LIX1: variants seen among roughly 807,000 people sequenced by gnomAD.
LIX1 encodes protein limb expression 1 homolog.
In LIX1, 24 loss-of-function variants were observed where a neutral mutation model predicts 33.4. The observed-to-expected ratio is 0.72, with a 90% CI of 0.52 to 1.01. LIX1 has a LOEUF of 1.01. Ranked by LOEUF, LIX1 falls within the 50% of genes least tolerant of loss-of-function variation. The pLI is 0.00. For missense variants in LIX1, 311 were observed against 339.2 expected, an observed-to-expected ratio of 0.92 and a Z score of 0.65; for synonymous variants, 124 against 124.0, an observed-to-expected ratio of 1.00 and a Z score of 0.00.
At chr5:97,106,615 G>A (rs1345274341) in intron 3 of LIX1, among the ~76,000 whole-genome samples, 3 of 152,170 alleles carry the variant, frequency 2.0e-5, no homozygotes, top group Non-Finnish European at 2.9e-5. Flanking sequence ...GCCACAGGTG[G>A]GGACTGAAGG....
chr5:97,096,537 T>C (rs1225550661), intron 5 of LIX1, among the ~76,000 whole-genome samples: 1 of 152,214 alleles, frequency 6.6e-6, no homozygotes, highest in Non-Finnish European at 1.5e-5. Flanking sequence ...AGGATTTATT[T>C]AGAAGCTGTC....
chr5:97,118,999 C>T (rs1411546052), intron 2 of LIX1, among the ~76,000 whole-genome samples: 1 of 152,208 alleles, frequency 6.6e-6, no homozygotes, highest in Admixed American at 6.5e-5. Flanking sequence ...GAGTCTTTGA[C>T]TGGACTGCTT....
intron 1 of LIX1, among the ~76,000 whole-genome samples, chr5:97,136,119 G>A (rs1331347061): frequency 6.6e-6 from 1 of 152,200 alleles, no homozygotes; most frequent in African/African-American, 2.4e-5. Context: ...ACAGTCGGGG[G>A]TAGATCTAAT....
At chr5:97,136,718 G>A (rs1748179832) in intron 1 of LIX1, among the ~76,000 whole-genome samples, 1 of 151,938 alleles carries the variant, frequency 6.6e-6, no homozygotes, top group Non-Finnish European at 1.5e-5. Context: ...ATCAAAATAG[G>A]GATCAACTGA....
In LIX1 at chr5:97,097,459, C is replaced by T. The variant is rs147019046; in HGVS notation, c.484-572G>A. The stretch of plus-strand genomic sequence containing the variant: ...TGTGCTACTATTTGCTTAAGAAGAT[C>T]GCTATATACATGTTTGCTTGTAAAT... On this transcript the variant is annotated intron_variant, in intron 4 of 5. Coordinates refer to ENST00000274382, the MANE Select transcript of LIX1 (RefSeq NM_153234.5). Among the ~76,000 whole-genome samples, 43 of 152,224 alleles carry T rather than the reference C, an allele frequency of 2.8e-4. No homozygotes were observed. In the East Asian group the frequency reaches 6.8e-3, roughly 24 times the overall value.
intron 4 of LIX1, among the ~76,000 whole-genome samples, chr5:97,104,218 C>T (rs546021204): frequency 3.2e-4 from 48 of 152,236 alleles, no homozygotes; most frequent in African/African-American, 1.1e-3. Flanking sequence ...CCGTGAGGAA[C>T]ATTTTGCCCA....
chr5:97,138,006 C>G lies in LIX1; in HGVS notation c.82+4489G>C, dbSNP rs772948849. On this transcript the variant is annotated intron_variant, in intron 1 of 5. Transcript: ENST00000274382. ...GCCCTGTAGTCTGGTCCAGTTTTTC[C>G]AAAGGGCAAAAAACGTACTCTTTGA... Among the ~76,000 whole-genome samples, 16 of 152,162 alleles carry G rather than the reference C, an allele frequency of 1.1e-4. No individual in the cohort carries two copies. The Middle Eastern group carries it at 0.01, about 97-fold the overall frequency.
intron 5 of LIX1, 131 bp from the exon 6 acceptor site, chr5:97,095,166 G>GA: frequency 1.1e-6 from 1 of 915,038 alleles, no homozygotes; most frequent in African/African-American, 1.7e-5. Flanking sequence ...TTCAAAAACT[G>GA]AAACCAAAAC....
chr5:97,095,101 TC>T (rs1220432816), intron 5 of LIX1, 66 bp from the exon 6 acceptor site: 3 of 1,387,664 alleles, frequency 2.2e-6, no homozygotes, highest in African/African-American at 1.4e-5. Flanking sequence ...TCCACATGCC[TC>T]CCCCTGCTTC....
At chr5:97,136,429 C>T (rs1544779) in intron 1 of LIX1, among the ~76,000 whole-genome samples, 2 of 152,108 alleles carry the variant, frequency 1.3e-5, no homozygotes, top group Non-Finnish European at 2.9e-5. Flanking sequence ...CCCCTTCATG[C>T]GAGGAAGAAA....
chr5:97,104,209 C>T (rs928056357), intron 4 of LIX1, among the ~76,000 whole-genome samples: 10 of 152,152 alleles, frequency 6.6e-5, no homozygotes, highest in South Asian at 2.1e-4. Flanking sequence ...TAAATTACAC[C>T]GTGAGGAACA....
At chr5:97,112,602 G>C (rs1399959330) in intron 2 of LIX1, among the ~76,000 whole-genome samples, 2 of 152,146 alleles carry the variant, frequency 1.3e-5, no homozygotes, top group Non-Finnish European at 2.9e-5. Context: ...CGAAAGTGCA[G>C]AGCTGGGATA....
chr5:97,096,838 G>A lies in LIX1; in HGVS notation c.533C>T (p.Ala178Val), dbSNP rs1355484604. 2.5e-6 allele frequency: 4 copies of A among 1,613,820 alleles called. No homozygotes were observed. The Admixed American group carries it at 6.7e-5, about 27-fold the overall frequency. Residue 178 changes from alanine (A) to valine (V), a missense_variant, in exon 5 of 6, where the codon GCC becomes GTC. By Grantham distance (64) the Ala-to-Val change is moderately conservative. Coordinates refer to ENST00000274382, the MANE Select transcript of LIX1 (RefSeq NM_153234.5). Reference sequence around the variant, plus strand: ...TCGGGAACACTTTGTTTCACGAAGGGCTTTTAGGCTTCCATTCCAGTGCAA... The same window carrying A: ...TCGGGAACACTTTGTTTCACGAAGGACTTTTAGGCTTCCATTCCAGTGCAA... ...QLLHWNGSLK[A>V]LRETKCSRQE...
In LIX1 at chr5:97,093,805, C is replaced by G. The variant is rs1042640113; in HGVS notation, c.*943G>C. The G allele has an allele frequency of 6.6e-6, 1 of 152,252 alleles. No homozygotes were observed. The highest frequency in any genetic ancestry group is 2.1e-4 in the South Asian group (1 of 4,834). The allele number at this position is 152,252 out of a possible 1,614,324, so 9.4% of individuals were successfully genotyped here. A position where few individuals can be genotyped will look rare whatever the true frequency, so the allele number is the denominator to read the frequency against. Reference sequence around the variant, plus strand: ...GTTGCTTATGTTCTTGAACAACAAACAGAGCTAAAGGGTCCTTCTCTCAAA... The same window carrying G: ...GTTGCTTATGTTCTTGAACAACAAAGAGAGCTAAAGGGTCCTTCTCTCAAA... On this transcript the variant is annotated 3_prime_UTR_variant, in exon 6 of 6. Coordinates refer to ENST00000274382, the MANE Select transcript of LIX1 (RefSeq NM_153234.5).
intron 1 of LIX1, among the ~76,000 whole-genome samples, chr5:97,128,010 T>C (rs1175796917): frequency 6.6e-6 from 1 of 152,190 alleles, no homozygotes; most frequent in Admixed American, 6.6e-5. Context: ...CAAAGTGTGC[T>C]CAAAACAACT....
At chr5:97,128,974 C>T (rs902575391) in intron 1 of LIX1, among the ~76,000 whole-genome samples, 4 of 152,178 alleles carry the variant, frequency 2.6e-5, no homozygotes, top group African/African-American at 9.7e-5. Flanking sequence ...TCACTCACAT[C>T]TTCAAGTCCT....
At chr5:97,127,736 T>A (rs745539397) in intron 1 of LIX1, among the ~76,000 whole-genome samples, 3 of 152,210 alleles carry the variant, frequency 2.0e-5, no homozygotes, top group Non-Finnish European at 4.4e-5. Context: ...TAGGCGTCAA[T>A]CAATACATAG....
At chr5:97,121,082 C>A (rs1253455673) in intron 2 of LIX1, among the ~76,000 whole-genome samples, 2 of 152,076 alleles carry the variant, frequency 1.3e-5, no homozygotes, top group Non-Finnish European at 2.9e-5. Context: ...ATTTTGTTAA[C>A]CAAGTTTGCC....
chr5:97,096,319 A>T (rs1437804330), intron 5 of LIX1, among the ~76,000 whole-genome samples: 9 of 152,194 alleles, frequency 5.9e-5, no homozygotes, highest in Non-Finnish European at 1.3e-4. Flanking sequence ...AATGGGAGTG[A>T]TTAAATGCCG....
Sources: allele counts gnomAD v4.1 joint callset (sites outside exome capture counted in the v4.1 genomes callset), GRCh38; gene constraint gnomAD v4.1.1; transcripts MANE v1.5; gene names NCBI Gene and HGNC (gene_info 2026-07-23, HGNC 2026-07-21).